Variants in HEATR1 observed in about 807,000 individuals in gnomAD.
HEATR1 encodes the protein HEAT repeat-containing protein 1.
Under a neutral mutation model 248.2 loss-of-function variants are expected in HEATR1, and 77 were observed. The observed-to-expected ratio is 0.31, with a 90% CI of 0.26 to 0.37. The LOEUF is 0.37. Ranked by LOEUF, HEATR1 falls within the 10% of genes least tolerant of loss-of-function variation. HEATR1 has a pLI of 1.00. For missense variants in HEATR1, 2,420 were observed against 2,504.9 expected, an observed-to-expected ratio of 0.97 and a Z score of 0.72; for synonymous variants, 897 against 923.1, an observed-to-expected ratio of 0.97 and a Z score of 0.51.
At position 236,559,745 on chromosome 1, in the gene HEATR1, A is replaced by G. The variant is rs1267319358; in HGVS notation, c.4739T>C (p.Leu1580Pro). 6.2e-7 allele frequency: 1 copy of G among 1,613,910 alleles called. No individual in the cohort carries two copies. The highest frequency in any genetic ancestry group is 8.5e-7 in the Non-Finnish European group (1 of 1,179,922). The change falls in exon 34 of 45, where the codon CTC becomes CCC. Residue 1580 changes from leucine to proline, a missense_variant. Coordinates refer to ENST00000366582, the MANE Select transcript of HEATR1 (RefSeq NM_018072.6). ...TAACAGGTCGTAAGCTTTACTAAGG[A>G]GCGCGCGCCAGAACTTCACGGTGAG... ...DKLTVKFWRA[L>P]LSKAYDLLDK...
At chr1:236,566,562 C>G in intron 30 of HEATR1, 84 bp downstream of exon 30, 1 of 973,798 alleles carries the variant, frequency 1.0e-6, no homozygotes. Context: ...TAGGCATCAT[C>G]AGCCCCATGT....
chr1:236,564,657 G>T lies in HEATR1; in HGVS notation c.4440C>A (p.Thr1480=). The stretch of plus-strand genomic sequence containing the variant: ...TATTAAATGACACTGCTTTGGGAAT[G>T]GTTTCTGAAACAGCAATAAAACAAG... ...LLKLPEEKEE[T]IPKAVSFNKS... The change falls in exon 32 of 45, where the codon ACC becomes ACA. Residue 1480 remains threonine (T), a synonymous_variant. Transcript: ENST00000366582. 1 of 1,608,818 alleles carries T rather than the reference G, an allele frequency of 6.2e-7. No individual in the cohort carries two copies. Among genetic ancestry groups the T allele is most frequent in the Non-Finnish European group, 8.5e-7 (1 of 1,178,358 alleles).
Position 236,576,252 on chromosome 1 carries a change from A to C in HEATR1, c.3051T>G (p.Asp1017Glu), listed in dbSNP as rs1210607875. 1.1e-5 allele frequency: 17 copies of C among 1,607,212 alleles called. No homozygotes were observed. The highest frequency in any genetic ancestry group is 2.7e-5 in the African/African-American group (2 of 74,488). ...TGACTCCCTGAAGTACTTTCATCAA[A>C]TCTTTTGCTATATAAGATGGGCAAC... ...VYSCPSYIAK[D>E]LMKVLQGVNG... Residue 1017 changes from aspartate (D) to glutamate (E), a missense_variant, in exon 22 of 45, where the codon GAT becomes GAG. Coordinates refer to ENST00000366582, the MANE Select transcript of HEATR1 (RefSeq NM_018072.6).
At chr1:236,597,719 C>T (rs963082122) in intron 5 of HEATR1, among the ~76,000 whole-genome samples, 159 bp downstream of exon 5, 3 of 150,532 alleles carry the variant, frequency 2.0e-5, no homozygotes, top group Admixed American at 6.6e-5. Flanking sequence ...AAAAAAGATA[C>T]GGACTCTCAA....
chr1:236,577,558 G>A (rs1296373553), intron 20 of HEATR1, among the ~76,000 whole-genome samples: 5 of 149,250 alleles, frequency 3.4e-5, no homozygotes, highest in African/African-American at 7.4e-5. Context: ...GCACGATCTC[G>A]GCTCACTGCA....
chr1:236,563,932 G>A (rs1431928506), intron 32 of HEATR1, among the ~76,000 whole-genome samples: 2 of 152,102 alleles, frequency 1.3e-5, no homozygotes, highest in Non-Finnish European at 2.9e-5. Context: ...CTGGGTAATA[G>A]AGCGAGACCC....
intron 27 of HEATR1, 38 bp from the exon 28 acceptor site, chr1:236,571,510 G>A (rs1663425244): frequency 6.2e-7 from 1 of 1,613,406 alleles, no homozygotes; most frequent in African/African-American, 1.3e-5. Context: ...TAAGTGGCAG[G>A]TACACTCACG....
At position 236,599,628 on chromosome 1, in the gene HEATR1, G is replaced by C. The variant is rs745653701; in HGVS notation, c.360-4C>G. ...ATTATAGAGATGTATATGGAACCTG[G>C]GGAAAAAAAGCAAACAGTCCAACTG... On this transcript the variant is annotated splice_region_variant and splice_polypyrimidine_tract_variant and intron_variant, in intron 3 of 44. Transcript: ENST00000366582. 3 of 1,593,244 alleles carry C rather than the reference G, an allele frequency of 1.9e-6. No homozygotes were observed. Among genetic ancestry groups the C allele is most frequent in the Middle Eastern group, 3.4e-4 (2 of 5,966 alleles).
At chr1:236,558,109 A>G in intron 36 of HEATR1, 128 bp downstream of exon 36, 2 of 1,053,842 alleles carry the variant, frequency 1.9e-6, no homozygotes, top group Non-Finnish European at 2.7e-6. Context: ...CTGCAAGATC[A>G]ATTCTTTAAC....
Position 236,553,656 on chromosome 1 carries a change from C to T in HEATR1, c.6162G>A (p.Val2054=), listed in dbSNP as rs781174570. The T allele has an allele frequency of 5.4e-5, 87 of 1,613,944 alleles. No individual in the cohort carries two copies. The highest frequency in any genetic ancestry group is 7.3e-5 in the Non-Finnish European group (86 of 1,179,994). The change falls in exon 43 of 45, where the codon GTG becomes GTA. Residue 2054 remains valine, a synonymous_variant. Coordinates refer to ENST00000366582, the MANE Select transcript of HEATR1 (RefSeq NM_018072.6). ...TCCAAAGAGAGTCATCCGCCATGGC[C>T]ACCGAAAACTGTGCGATGCATGGTA... The part of the protein sequence containing the change: ...HLIPCIAQFS[V]AMADDSLWKP...
Position 236,554,604 on chromosome 1 carries a change from C to T in HEATR1, c.6072G>A (p.Val2024=). The part of the protein sequence containing the change: ...ERAEALMMPL[V]DQLENRLGGE... ...GATGATTCTGTTTGGTTACCTGATC[C>T]ACCAGAGGCATCATCAAGGCTTCTG... The change falls in exon 42 of 45, where the codon GTG becomes GTA. Residue 2024 remains valine (V), a synonymous_variant. Coordinates refer to ENST00000366582, the MANE Select transcript of HEATR1 (RefSeq NM_018072.6). The T allele has an allele frequency of 6.2e-7, 1 of 1,610,238 alleles. No homozygotes were observed. Among genetic ancestry groups the T allele is most frequent in the Non-Finnish European group, 8.5e-7 (1 of 1,179,022 alleles).
chr1:236,572,638 T>C (rs1251586114), intron 25 of HEATR1, 84 bp from the exon 26 acceptor site: 6 of 1,601,170 alleles, frequency 3.7e-6, no homozygotes, highest in Non-Finnish European at 5.1e-6. Flanking sequence ...TTATAGCAAA[T>C]TGATGAGTAT....
Position 236,583,105 on chromosome 1 carries a change from G to A in HEATR1, c.2333C>T (p.Thr778Ile), listed in dbSNP as rs1489314500. 7 of 1,614,014 alleles carry A rather than the reference G, an allele frequency of 4.3e-6. No homozygotes were observed. The highest frequency in any genetic ancestry group is 5.1e-6 in the Non-Finnish European group (6 of 1,179,984). The change falls in exon 18 of 45, where the codon ACT becomes ATT. Residue 778 changes from threonine to isoleucine, a missense_variant. Physicochemically the swap from Thr to Ile is moderately conservative, Grantham distance 89 (BLOSUM62 -1). Coordinates refer to ENST00000366582, the MANE Select transcript of HEATR1 (RefSeq NM_018072.6). ...CGAGTCCTCCACGGCCACCCTCTGAGTGCTGTTGAGCTCTTCTACATAATG... is the reference window on the plus strand; with the variant it reads ...CGAGTCCTCCACGGCCACCCTCTGAATGCTGTTGAGCTCTTCTACATAATG... ...WAHYVEELNS[T>I]QRVAVEDSVF...
chr1:236,560,440 G>A (rs919823626), intron 33 of HEATR1, among the ~76,000 whole-genome samples: 1 of 152,174 alleles, frequency 6.6e-6, no homozygotes, highest in East Asian at 1.9e-4. Context: ...CAGCCTGAGG[G>A]GGGAGCTAGA....
chr1:236,549,332 G>T lies in HEATR1; in HGVS notation c.*1570C>A. 5.0e-6 allele frequency: 1 copy of T among 199,838 alleles called. No individual in the cohort carries two copies. Among genetic ancestry groups the T allele is most frequent in the Non-Finnish European group, 1.0e-5 (1 of 99,752 alleles). The allele number at this position is 199,838 out of a possible 1,614,324, so 12.4% of individuals were successfully genotyped here. ...AGTTGGCAGAAGTTCCATGTATATG[G>T]GATCTTTACAGGTCAGATCTTGTTA... is the stretch of plus-strand genomic sequence containing the variant. On this transcript the variant is annotated 3_prime_UTR_variant, in exon 45 of 45. Transcript: ENST00000366582.
At chr1:236,576,634 AG>A in intron 21 of HEATR1, 145 bp downstream of exon 21, 2 of 726,274 alleles carry the variant, frequency 2.8e-6, no homozygotes, top group East Asian at 2.8e-5. Flanking sequence ...AGGGGGACAC[AG>A]ATGTACAGAT....
rs372759005 is a variant in HEATR1 at position 236,555,925 on chromosome 1, C to T, written c.5529G>A (p.Pro1843=). The T allele has an allele frequency of 1.5e-5, 25 of 1,613,542 alleles. No individual in the cohort carries two copies. Among genetic ancestry groups the T allele is most frequent in the Middle Eastern group, 1.6e-4 (1 of 6,082 alleles). ...IEKNWKNHMG[P]FMSILQEHIG... is the part of the protein sequence containing the mutation. ...TATGCTCTTGCAAGATGCTCATAAA[C>T]GGACCCATGTGATTCTACCAATAAC... is the stretch of plus-strand genomic sequence containing the variant. Residue 1843 remains proline, a synonymous_variant, in exon 39 of 45, where the codon CCG becomes CCA. Transcript: ENST00000366582.
intron 10 of HEATR1, 109 bp downstream of exon 10, chr1:236,592,414 A>G (rs1049649914): frequency 9.6e-6 from 6 of 625,824 alleles, no homozygotes; most frequent in Non-Finnish European, 1.4e-5. Flanking sequence ...AACAAATTTA[A>G]AAAGGACAGT....
chr1:236,588,828 T>C (rs993233979), intron 12 of HEATR1, among the ~76,000 whole-genome samples: 4 of 152,182 alleles, frequency 2.6e-5, no homozygotes, highest in Non-Finnish European at 2.9e-5. Context: ...AAAATTAAGT[T>C]AGTCAGGCAC....
Sources: gnomAD v4.1 joint callset for allele counts (sites outside exome capture counted in the v4.1 genomes callset) on GRCh38, gnomAD v4.1.1 for gene constraint, MANE v1.5 for transcripts, NCBI Gene and HGNC (gene_info 2026-07-23, HGNC 2026-07-21) for gene names.